Variants in TAF1A observed in about 807,000 individuals in gnomAD.
TAF1A encodes the protein TATA-box binding protein associated factor, RNA polymerase I subunit A, also known as TATA box-binding protein-associated factor RNA polymerase I subunit A.
A neutral mutation model predicts 61.6 loss-of-function variants in TAF1A; 42 were observed. That is an observed-to-expected ratio of 0.68 (90% CI 0.53 to 0.88). The LOEUF (loss-of-function observed/expected upper bound fraction) is 0.88, where lower values mean the gene tolerates loss of function less well. Among genes scored for constraint, TAF1A ranks in the 40% least tolerant of loss-of-function variants. The pLI, the probability that TAF1A is intolerant of heterozygous loss-of-function variation, is 0.00. For missense variants in TAF1A, 424 were observed against 518.7 expected, an observed-to-expected ratio of 0.82 and a Z score of 1.77; for synonymous variants, 179 against 177.7, an observed-to-expected ratio of 1.01 and a Z score of -0.06.
intron 5 of TAF1A, among the ~76,000 whole-genome samples, chr1:222,571,544 A>T (rs1214887567): frequency 6.6e-6 from 1 of 152,100 alleles, no homozygotes; most frequent in African/African-American, 2.4e-5. Context: ...GCAGAGTACA[A>T]GATCAATACA....
downstream of TAF1A, among the ~76,000 whole-genome samples, chr1:222,554,384 C>T (rs1659704857): frequency 6.6e-6 from 1 of 152,210 alleles, no homozygotes; most frequent in African/African-American, 2.4e-5. Flanking sequence ...ACTGAGTCGA[C>T]TCTTACCTGG....
In TAF1A at chr1:222,588,582, T is replaced by C; in HGVS notation, c.-2-17A>G. The stretch of plus-strand genomic sequence containing the variant: ...CACTCATACCTATTACAAGATGAGA[T>C]ATCAGTTACTTTCTGTACATCTTAA... On this transcript the variant is annotated splice_polypyrimidine_tract_variant and intron_variant, in intron 1 of 10. Coordinates refer to ENST00000352967, the MANE Select transcript of TAF1A (RefSeq NM_005681.4). 6.2e-7 allele frequency: 1 copy of C among 1,611,236 alleles called. No individual in the cohort carries two copies. The highest frequency in any genetic ancestry group is 8.5e-7 in the Non-Finnish European group (1 of 1,179,108).
chr1:222,580,762 A>G (rs1660754529), intron 3 of TAF1A, among the ~76,000 whole-genome samples: 1 of 138,936 alleles, frequency 7.2e-6, no homozygotes, highest in Non-Finnish European at 1.6e-5. Flanking sequence ...CAGGGGGGGA[A>G]GAAAAGCAGG....
At chr1:222,563,039 A>T in intron 9 of TAF1A, 134 bp downstream of exon 9, 1 of 852,778 alleles carries the variant, frequency 1.2e-6, no homozygotes. Flanking sequence ...AAGAAAATGT[A>T]CTCAGAAAAC....
At chr1:222,576,776 GGAA>G (rs1301501561) in intron 5 of TAF1A, among the ~76,000 whole-genome samples, 1 of 152,220 alleles carries the variant, frequency 6.6e-6, no homozygotes, top group Non-Finnish European at 1.5e-5. Context: ...TAGGCACACA[GGAA>G]GAAATGTTTA....
chr1:222,569,907 T>C (rs1337572035), intron 6 of TAF1A, among the ~76,000 whole-genome samples: 1 of 152,196 alleles, frequency 6.6e-6, no homozygotes, highest in Non-Finnish European at 1.5e-5. Context: ...GAAAATGTGA[T>C]GCAGCTAACC....
chr1:222,555,033 G>C (rs150804985), downstream of TAF1A, among the ~76,000 whole-genome samples: 192 of 152,248 alleles, frequency 1.3e-3, 2 homozygotes, highest in African/African-American at 3.9e-3. Context: ...TTGCTAACAG[G>C]TATATGAATA....
chr1:222,589,824 A>G lies in TAF1A; in HGVS notation c.-100T>C, dbSNP rs1414197049. On this transcript the variant is annotated 5_prime_UTR_variant, in exon 1 of 11. Coordinates refer to ENST00000352967, the MANE Select transcript of TAF1A (RefSeq NM_005681.4). ...CCGGAAGACGAGTTAGGAGAGCTTT[A>G]TATGAGCAGGCGCTAAACCTGGTTT... The G allele has an allele frequency of 1.3e-5, 5 of 376,760 alleles. No individual in the cohort carries two copies. Among genetic ancestry groups the G allele is most frequent in the African/African-American group, 2.1e-5 (1 of 48,206 alleles). The allele number at this position is 376,760 out of a possible 1,614,324, so 23.3% of individuals were successfully genotyped here.
chr1:222,555,022 A>AC (rs1659710448), downstream of TAF1A, among the ~76,000 whole-genome samples: 1 of 152,210 alleles, frequency 6.6e-6, no homozygotes. Context: ...AGAAATTCAA[A>AC]TTGCTAACAG....
At chr1:222,563,545 G>A (rs1220943335) in intron 8 of TAF1A, among the ~76,000 whole-genome samples, 2 of 152,116 alleles carry the variant, frequency 1.3e-5, no homozygotes, top group Non-Finnish European at 2.9e-5. Context: ...CTCAATATGG[G>A]TTACACTCCT....
intron 7 of TAF1A, among the ~76,000 whole-genome samples, chr1:222,567,321 T>A (rs1456870337): frequency 1.2e-5 from 1 of 85,078 alleles, no homozygotes; most frequent in Admixed American, 1.6e-4. Flanking sequence ...AGTTATTGTT[T>A]AATGAATAGT....
chr1:222,560,944 T>C (rs1479633464), intron 10 of TAF1A, among the ~76,000 whole-genome samples: 3 of 152,148 alleles, frequency 2.0e-5, no homozygotes, highest in Non-Finnish European at 4.4e-5. Context: ...TTCTTTCTCT[T>C]AAGTGGAGGA....
chr1:222,562,152 T>A (rs1298609069), intron 9 of TAF1A, among the ~76,000 whole-genome samples: 2 of 152,220 alleles, frequency 1.3e-5, no homozygotes, highest in African/African-American at 4.8e-5. Flanking sequence ...TAATTTTTTT[T>A]ATTGTATATA....
chr1:222,566,417 A>T (rs571186053), intron 7 of TAF1A, among the ~76,000 whole-genome samples: 2 of 152,292 alleles, frequency 1.3e-5, no homozygotes, highest in African/African-American at 4.8e-5. Context: ...CTTTACATTT[A>T]TTGTGCACTT....
intron 5 of TAF1A, among the ~76,000 whole-genome samples, chr1:222,576,839 T>C (rs540623860): frequency 6.6e-6 from 1 of 152,326 alleles, no homozygotes; most frequent in East Asian, 1.9e-4. Context: ...TTCTTAGAAA[T>C]TGGCAAAGAC....
At chr1:222,555,923 T>C (rs946967560), downstream of TAF1A, among the ~76,000 whole-genome samples, 1 of 152,122 alleles carries the variant, frequency 6.6e-6, no homozygotes, top group African/African-American at 2.4e-5. Context: ...GACGAATGGT[T>C]ATAAGTAGTA....
chr1:222,582,781 T>C (rs983564717), intron 3 of TAF1A, among the ~76,000 whole-genome samples: 1 of 152,236 alleles, frequency 6.6e-6, no homozygotes, highest in Admixed American at 6.5e-5. Context: ...GAAGTACTTA[T>C]ACATGCTACA....
chr1:222,565,561 C>T (rs1660083173), intron 7 of TAF1A, among the ~76,000 whole-genome samples: 1 of 152,168 alleles, frequency 6.6e-6, no homozygotes, highest in Admixed American at 6.5e-5. Flanking sequence ...CACAGTCTTG[C>T]TTTTGTTTTA....
At chr1:222,571,695 A>G (rs151004308) in intron 5 of TAF1A, among the ~76,000 whole-genome samples, 8 of 152,264 alleles carry the variant, frequency 5.3e-5, no homozygotes, top group African/African-American at 1.7e-4. Flanking sequence ...TACTCTGAAA[A>G]GTGATACTGT....
Sources: allele counts gnomAD v4.1 joint callset (sites outside exome capture counted in the v4.1 genomes callset), GRCh38; gene constraint gnomAD v4.1.1; transcripts MANE v1.5; gene names NCBI Gene and HGNC (gene_info 2026-07-23, HGNC 2026-07-21).